MCIDAS: variants seen among roughly 807,000 people sequenced by gnomAD.
The protein encoded by MCIDAS is multicilin.
MCIDAS carries 23 observed loss-of-function variants against 35.4 expected under a neutral mutation model. That is an observed-to-expected ratio of 0.65 (90% confidence interval 0.47 to 0.92). The LOEUF (loss-of-function observed/expected upper bound fraction) is 0.92. MCIDAS is among the 40% of genes least tolerant of loss of function. The pLI is 0.00. For missense variants in MCIDAS, 480 were observed against 531.8 expected (o/e 0.90, Z 0.96); for synonymous variants, 228 against 235.2 (o/e 0.97, Z 0.28).
At position 55,223,357 on chromosome 5, in the gene MCIDAS, C is replaced by G. The variant is rs1009191059; in HGVS notation, c.310-334G>C. On this transcript the variant is annotated intron_variant, in intron 3 of 6. Transcript: ENST00000513312. This position sits in a 1 kb window ranked among gnomAD's most constrained non-coding sequence, Gnocchi z 4.4. ...GGTGGGGAGCGGGACGCACGGAGCACGACACTGACTGGGGGAAGGGGGCAG... is the reference window on the plus strand; with the variant it reads ...GGTGGGGAGCGGGACGCACGGAGCAGGACACTGACTGGGGGAAGGGGGCAG... Among the ~76,000 whole-genome samples the G allele has an allele frequency of 6.6e-6, 1 of 152,152 alleles. No individual in the cohort carries two copies. Among genetic ancestry groups the G allele is most frequent in the Admixed American group, 6.5e-5 (1 of 15,278 alleles).
At chr5:55,220,880 C>G (rs1745342907) in intron 6 of MCIDAS, 74 bp from the exon 7 acceptor site, 1 of 1,469,358 alleles carries the variant, frequency 6.8e-7, no homozygotes, top group Non-Finnish European at 9.0e-7. Flanking sequence ...AAAAGGTGAC[C>G]TAGGCGCGCT....
intron 3 of MCIDAS, among the ~76,000 whole-genome samples, chr5:55,224,426 C>T (rs72749878): frequency 0.022 from 3,347 of 152,150 alleles, 56 homozygotes; most frequent in Middle Eastern, 0.058. Context: ...ATCAGTTTTC[C>T]CTTGGGAGAA....
At chr5:55,221,192 T>G (rs758660234) in intron 5 of MCIDAS, 66 bp from the exon 6 acceptor site, 1 of 1,165,304 alleles carries the variant, frequency 8.6e-7, no homozygotes, top group Non-Finnish European at 1.2e-6. Flanking sequence ...ATATCTGGCA[T>G]GAATCAAACC....
chr5:55,219,877 G>C lies in MCIDAS; in HGVS notation c.*489C>G, dbSNP rs891426906. On this transcript the variant is annotated 3_prime_UTR_variant, in exon 7 of 7. Coordinates refer to ENST00000513312, the MANE Select transcript of MCIDAS (RefSeq NM_001190787.3). ...GTAACAAAATTAGGTGTCCTTTTAG[G>C]ACGAGGGAAGTTGAGTGATGTATAA... 3 of 152,296 alleles carry C rather than the reference G, an allele frequency of 2.0e-5. No homozygotes were observed. The highest frequency in any genetic ancestry group is 7.2e-5 in the African/African-American group (3 of 41,456). The allele number at this position is 152,296 out of a possible 1,614,324, so 9.4% of individuals were successfully genotyped here.
At chr5:55,225,131 C>T (rs907078208) in intron 3 of MCIDAS, among the ~76,000 whole-genome samples, 2 of 152,148 alleles carry the variant, frequency 1.3e-5, no homozygotes, top group African/African-American at 4.8e-5. Flanking sequence ...TCGCCTGAGC[C>T]TGGGAGGTCC....
Position 55,226,826 on chromosome 5 carries a change from G to C in MCIDAS, c.217+9C>G. 2 of 1,389,768 alleles carry C rather than the reference G, an allele frequency of 1.4e-6. No individual in the cohort carries two copies. The highest frequency in any genetic ancestry group is 1.9e-6 in the Non-Finnish European group (2 of 1,078,576). 86.1% of individuals were successfully genotyped at this position (1,389,768 alleles called of 1,614,324 possible). Reference sequence around the variant, plus strand: ...ACCCGAGGGGTAGCGTGGGTGCCACGGGGCTCACCTGGCAGCGCTGTGGGC... The same window carrying C: ...ACCCGAGGGGTAGCGTGGGTGCCACCGGGCTCACCTGGCAGCGCTGTGGGC... On this transcript the variant is annotated intron_variant, in intron 2 of 6. Transcript: ENST00000513312.
Position 55,220,615 on chromosome 5 carries a change from G to C in MCIDAS, c.909C>G (p.Pro303=). 6.5e-7 allele frequency: 1 copy of C among 1,536,092 alleles called. No individual in the cohort carries two copies. The highest frequency in any genetic ancestry group is 8.7e-7 in the Non-Finnish European group (1 of 1,146,888). ...EALQSRDPKR[P]RLLPEPANTD... is the part of the protein sequence containing the mutation. ...TATTCGCGGGCTCTGGCAGCAGTCG[G>C]GGCCGCTTGGGATCGCGGCTCTGAA... The change falls in exon 7 of 7, where the codon CCC becomes CCG. Residue 303 remains proline (P), a synonymous_variant. Coordinates refer to ENST00000513312, the MANE Select transcript of MCIDAS (RefSeq NM_001190787.3).
chr5:55,220,648 A>T lies in MCIDAS; in HGVS notation c.876T>A (p.Asp292Glu). Residue 292 changes from aspartate to glutamate, a missense_variant, in exon 7 of 7, where the codon GAT becomes GAA. Physicochemically the swap from Asp to Glu is conservative, Grantham distance 45. Transcript: ENST00000513312. Reference sequence around the variant, plus strand: ...TGGGATCGCGGCTCTGAAGGGCTTCATCGCAGCGCTCGGAAATCTCCCTCA... The same window carrying T: ...TGGGATCGCGGCTCTGAAGGGCTTCTTCGCAGCGCTCGGAAATCTCCCTCA... Reference protein sequence around the residue: ...AILREISERCDEALQSRDPKR... With the variant: ...AILREISERCEEALQSRDPKR... 2 of 1,536,112 alleles carry T rather than the reference A, an allele frequency of 1.3e-6. No homozygotes were observed. Among genetic ancestry groups the T allele is most frequent in the Non-Finnish European group, 1.7e-6 (2 of 1,146,888 alleles).
At chr5:55,222,494 G>T (rs921166836) in intron 4 of MCIDAS, 95 bp from the exon 5 acceptor site, 2 of 1,049,002 alleles carry the variant, frequency 1.9e-6, no homozygotes, top group Admixed American at 3.0e-5. Flanking sequence ...TGTATGTAGA[G>T]ATTTTTCTTT....
At position 55,222,966 on chromosome 5, in the gene MCIDAS, C is replaced by A. The variant is rs933332259; in HGVS notation, c.367G>T (p.Asp123Tyr). The A allele has an allele frequency of 6.5e-7, 1 of 1,536,018 alleles. No homozygotes were observed. The highest frequency in any genetic ancestry group is 8.7e-7 in the Non-Finnish European group (1 of 1,146,844). The change falls in exon 4 of 7, where the codon GAT (aspartate) becomes TAT (tyrosine). Residue 123 changes from aspartate (D) to tyrosine (Y), a missense_variant. By Grantham distance (160) the Asp-to-Tyr change is radical. Transcript: ENST00000513312. The stretch of plus-strand genomic sequence containing the variant: ...CTGCACTTGCCTGAAATGAGATCAT[C>A]CACCGTGTCTCTGAAATCTTGCAGA... Reference protein sequence around the residue: ...FNLQDFRDTVDDLISDSSSMM... With the variant: ...FNLQDFRDTVYDLISDSSSMM...
Position 55,220,680 on chromosome 5 carries a change from C to A in MCIDAS, c.844G>T (p.Ala282Ser). The stretch of plus-strand genomic sequence containing the variant: ...CGCTCGGAAATCTCCCTCAGGATGG[C>A]GTCCACTTCCGCGCAATCCTGCCCC... ...AAGQDCAEVDAILREISERCD... is the reference protein window; with the variant it reads ...AAGQDCAEVDSILREISERCD... The change falls in exon 7 of 7, where the codon GCC (alanine) becomes TCC (serine). Residue 282 changes from alanine to serine, a missense_variant. Coordinates refer to ENST00000513312, the MANE Select transcript of MCIDAS (RefSeq NM_001190787.3). The A allele has an allele frequency of 2.0e-6, 3 of 1,536,066 alleles. No homozygotes were observed. The highest frequency in any genetic ancestry group is 2.4e-5 in the South Asian group (2 of 84,066).
At chr5:55,224,010 A>G (rs1745411878) in intron 3 of MCIDAS, among the ~76,000 whole-genome samples, 1 of 152,092 alleles carries the variant, frequency 6.6e-6, no homozygotes, top group South Asian at 2.1e-4. Flanking sequence ...AAACGCTTTT[A>G]CACAGTCTCT....
chr5:55,224,168 C>A (rs1745414813), intron 3 of MCIDAS, among the ~76,000 whole-genome samples: 1 of 151,968 alleles, frequency 6.6e-6, no homozygotes, highest in Non-Finnish European at 1.5e-5. Flanking sequence ...TTTCCTCTAG[C>A]TTTTCTCTCT....
Position 55,223,818 on chromosome 5 carries a change from A to G in MCIDAS, c.310-795T>C, listed in dbSNP as rs1745408069. Among the ~76,000 whole-genome samples, 1 of 152,152 alleles carries G rather than the reference A, an allele frequency of 6.6e-6. No homozygotes were observed. Among genetic ancestry groups the G allele is most frequent in the Admixed American group, 6.5e-5 (1 of 15,274 alleles). ...CCAGTGCGGCCTCCATTGCTCTTTCAGTTTCCCAAAAAGTTGGGAGTACTC... is the reference window on the plus strand; with the variant it reads ...CCAGTGCGGCCTCCATTGCTCTTTCGGTTTCCCAAAAAGTTGGGAGTACTC... On this transcript the variant is annotated intron_variant, in intron 3 of 6. Coordinates refer to ENST00000513312, the MANE Select transcript of MCIDAS (RefSeq NM_001190787.3). The surrounding 1 kb of genome is among the most constrained non-coding windows in gnomAD (Gnocchi z 4.4).
At position 55,226,582 on chromosome 5, in the gene MCIDAS, G is replaced by C. The variant is rs1377331198; in HGVS notation, c.303C>G (p.Ala101=). 7.8e-6 allele frequency: 12 copies of C among 1,530,934 alleles called. No homozygotes were observed. Among genetic ancestry groups the C allele is most frequent in the African/African-American group, 1.4e-5 (1 of 72,668 alleles). 94.8% of individuals were successfully genotyped at this position (1,530,934 alleles called of 1,614,324 possible). Residue 101 remains alanine (A), a synonymous_variant, in exon 3 of 7, where the codon GCC becomes GCG. Coordinates refer to ENST00000513312, the MANE Select transcript of MCIDAS (RefSeq NM_001190787.3). ...CCACGAGAAGGGGAGGTACCTGCGA[G>C]GCGGCCAGGTCACCACCAGGCGGCG... is the stretch of plus-strand genomic sequence containing the variant. ...SDAPPGGDLA[A]SQNHSHQTEA...
Position 55,227,308 on chromosome 5 carries a change from A to C in MCIDAS, c.-170T>G. 1.1e-6 allele frequency: 1 copy of C among 875,578 alleles called. No homozygotes were observed. Among genetic ancestry groups the C allele is most frequent in the Non-Finnish European group, 1.6e-6 (1 of 642,432 alleles). The allele number at this position is 875,578 out of a possible 1,614,324, so 54.2% of individuals were successfully genotyped here. A position where few individuals can be genotyped will look rare whatever the true frequency, so the allele number is the denominator to read the frequency against. On this transcript the variant is annotated 5_prime_UTR_variant, in exon 1 of 7. Coordinates refer to ENST00000513312, the MANE Select transcript of MCIDAS (RefSeq NM_001190787.3). ...GGGGCTGCCGAGGAGGTGCTGAGAGATGGCGGGGGAGGGGGAGGACCGCCG... is the reference window on the plus strand; with the variant it reads ...GGGGCTGCCGAGGAGGTGCTGAGAGCTGGCGGGGGAGGGGGAGGACCGCCG...
rs1257438607 is a variant in MCIDAS at position 55,220,616 on chromosome 5, G to A, written c.908C>T (p.Pro303Leu). ...EALQSRDPKR[P>L]RLLPEPANTD... ...ATTCGCGGGCTCTGGCAGCAGTCGGGGCCGCTTGGGATCGCGGCTCTGAAG... is the reference window on the plus strand; with the variant it reads ...ATTCGCGGGCTCTGGCAGCAGTCGGAGCCGCTTGGGATCGCGGCTCTGAAG... The change falls in exon 7 of 7, where the codon CCC becomes CTC. Residue 303 changes from proline (P) to leucine (L), a missense_variant. Coordinates refer to ENST00000513312, the MANE Select transcript of MCIDAS (RefSeq NM_001190787.3). The A allele has an allele frequency of 6.5e-7, 1 of 1,535,948 alleles. No homozygotes were observed. Among genetic ancestry groups the A allele is most frequent in the Non-Finnish European group, 8.7e-7 (1 of 1,146,866 alleles).
rs1395706087 is a variant in MCIDAS at position 55,220,597 on chromosome 5, G to T, written c.927C>A (p.Pro309=). ...TCCCGGGCCTGGTGTCAGTATTCGC[G>T]GGCTCTGGCAGCAGTCGGGGCCGCT... The part of the protein sequence containing the change: ...DPKRPRLLPE[P]ANTDTRPGNL... Residue 309 remains proline (P), a synonymous_variant, in exon 7 of 7, where the codon CCC becomes CCA. Coordinates refer to ENST00000513312, the MANE Select transcript of MCIDAS (RefSeq NM_001190787.3). 2 of 1,536,084 alleles carry T rather than the reference G, an allele frequency of 1.3e-6. No individual in the cohort carries two copies. Among genetic ancestry groups the T allele is most frequent in the Non-Finnish European group, 1.7e-6 (2 of 1,146,872 alleles).
Position 55,227,031 on chromosome 5 carries a change from C to T in MCIDAS, c.108G>A (p.Lys36=), listed in dbSNP as rs1299128655. ...TCAACCGCCCCACCTTCCTCTCCGG[C>T]TTCCCCGGCTTGCAGAGCAGCGCCC... The part of the protein sequence containing the change: ...PGRALLCKPG[K]PERKFAPPRK... The change falls in exon 1 of 7, where the codon AAG becomes AAA. Residue 36 remains lysine (K), a synonymous_variant. Transcript: ENST00000513312. The T allele has an allele frequency of 6.6e-7, 1 of 1,520,082 alleles. No homozygotes were observed. Among genetic ancestry groups the T allele is most frequent in the East Asian group, 2.6e-5 (1 of 37,914 alleles). The allele number at this position is 1,520,082 out of a possible 1,614,324, so 94.2% of individuals were successfully genotyped here.
Sources: allele counts gnomAD v4.1 joint callset (sites outside exome capture counted in the v4.1 genomes callset), GRCh38; gene constraint gnomAD v4.1.1; non-coding constraint Gnocchi (gnomAD v3.1); transcripts MANE v1.5; gene names NCBI Gene and HGNC (gene_info 2026-07-23, HGNC 2026-07-21).